Variants in ZNF461 observed in about 807,000 individuals in gnomAD.
The protein encoded by ZNF461 is zinc finger protein 461.
ZNF461 carries 16 observed loss-of-function variants against 18.3 expected under a neutral mutation model. That is an observed-to-expected ratio of 0.88 (90% CI 0.59 to 1.33). The LOEUF (loss-of-function observed/expected upper bound fraction) is 1.33, where lower values mean the gene tolerates loss of function less well. ZNF461 is among the 40% of genes most tolerant of loss of function. The pLI is 0.00. For missense variants in ZNF461, 595 were observed against 669.9 expected, an observed-to-expected ratio of 0.89 and a Z score of 1.23; for synonymous variants, 179 against 216.9, an observed-to-expected ratio of 0.83 and a Z score of 1.54.
In ZNF461 at chr19:36,658,363, G is replaced by A. The variant is rs766999075; in HGVS notation, c.72C>T (p.Asn24=). The A allele has an allele frequency of 6.2e-7, 1 of 1,611,626 alleles. No individual in the cohort carries two copies. Among genetic ancestry groups the A allele is most frequent in the South Asian group, 1.1e-5 (1 of 90,670 alleles). Residue 24 remains asparagine (N), a synonymous_variant, in exon 3 of 6, where the codon AAC becomes AAT. Transcript: ENST00000588268. ...DVSQEEWECL[N]PAQRNLYKEV... ...CCTTGTACAAATTCCTCTGCGCTGG[G>A]TTCAGGCATTCCCATTCCTCCTGAG...
In ZNF461 at chr19:36,639,531, G is replaced by A. The variant is rs201668289; in HGVS notation, c.814C>T (p.Arg272Cys). The part of the protein sequence containing the change: ...KHLRIHNGEK[R>C]YECNECGKAF... The stretch of plus-strand genomic sequence containing the variant: ...TTCCCACATTCGTTACATTCATAGC[G>A]TTTTTCACCATTATGAATTCTTAGA... Residue 272 changes from arginine to cysteine, a missense_variant, in exon 6 of 6, where the codon CGC (arginine) becomes TGC (cysteine). Physicochemically the swap from Arg to Cys is radical, Grantham distance 180. Transcript: ENST00000588268. The A allele has an allele frequency of 1.8e-4, 283 of 1,613,508 alleles. No individual in the cohort carries two copies. The highest frequency in any genetic ancestry group is 2.3e-4 in the Non-Finnish European group (271 of 1,179,714).
chr19:36,659,214 T>C (rs1199736684), intron 2 of ZNF461, among the ~76,000 whole-genome samples: 3 of 152,124 alleles, frequency 2.0e-5, no homozygotes, highest in South Asian at 2.1e-4. Context: ...TTGCAAACCA[T>C]GTGAGGGAAC....
intron 4 of ZNF461, among the ~76,000 whole-genome samples, chr19:36,647,873 A>G (rs2037556005): frequency 6.6e-6 from 1 of 151,934 alleles, no homozygotes. Context: ...GTGAGTTCTC[A>G]TGATATCTGG....
In ZNF461 at chr19:36,649,903, G is replaced by A. The variant is rs190244223; in HGVS notation, c.233-6041C>T. ...TATTTAAAAAATAATCTGGCTGGGC[G>A]TGGTGGCTCACACCTGTAATCCCAG... On this transcript the variant is annotated intron_variant, in intron 4 of 5. Transcript: ENST00000588268. Among the ~76,000 whole-genome samples the A allele has an allele frequency of 5.5e-3, 837 of 152,200 alleles. 23 individuals carry two copies. The highest frequency in any genetic ancestry group is 0.037 in the Admixed American group (567 of 15,284).
chr19:36,658,066 C>T (rs2037754254), intron 3 of ZNF461: 1 of 490,480 alleles, frequency 2.0e-6, no homozygotes, highest in Non-Finnish European at 3.6e-6. Flanking sequence ...CCTTAAACAT[C>T]AAGGAGGAGT....
Position 36,664,777 on chromosome 19 carries a change from G to T in ZNF461, c.-71C>A. ...CCCTCTGGAAGAAACTCAATCCAAA[G>T]AAGGTGTTGCTGGGAGAGAGGGGAG... On this transcript the variant is annotated 5_prime_UTR_variant, in exon 2 of 6. Coordinates refer to ENST00000588268, the MANE Select transcript of ZNF461 (RefSeq NM_153257.5). 8.0e-7 allele frequency: 1 copy of T among 1,251,636 alleles called. No individual in the cohort carries two copies. Among genetic ancestry groups the T allele is most frequent in the Non-Finnish European group, 1.1e-6 (1 of 938,836 alleles). 77.5% of individuals were successfully genotyped at this position (1,251,636 alleles called of 1,614,324 possible).
intron 4 of ZNF461, 138 bp from the exon 5 acceptor site, chr19:36,644,000 T>A: frequency 1.5e-6 from 1 of 654,400 alleles, no homozygotes; most frequent in Non-Finnish European, 2.2e-6. Context: ...TCACACAATC[T>A]CAGCTCACTG....
chr19:36,665,536 C>T (rs1440990171), intron 1 of ZNF461, among the ~76,000 whole-genome samples: 2 of 151,968 alleles, frequency 1.3e-5, no homozygotes, highest in Non-Finnish European at 2.9e-5. Context: ...TGGTGAAATC[C>T]CGTCTCTACT....
chr19:36,640,796 A>C (rs1238349686), intron 5 of ZNF461, among the ~76,000 whole-genome samples: 1 of 152,184 alleles, frequency 6.6e-6, no homozygotes, highest in Non-Finnish European at 1.5e-5. Flanking sequence ...ACATTGTATC[A>C]AAAAAAGAAA....
At chr19:36,649,975 G>C (rs1402816876) in intron 4 of ZNF461, among the ~76,000 whole-genome samples, 2 of 152,138 alleles carry the variant, frequency 1.3e-5, no homozygotes, top group African/African-American at 2.4e-5. Context: ...AGGAGTTTGA[G>C]ACCAGCCTGA....
At chr19:36,659,662 A>G (rs750319298) in intron 2 of ZNF461, among the ~76,000 whole-genome samples, 25 of 152,176 alleles carry the variant, frequency 1.6e-4, no homozygotes, top group African/African-American at 5.8e-4. Flanking sequence ...TCTAAGGTAC[A>G]TATTCCATTG....
intron 3 of ZNF461, among the ~76,000 whole-genome samples, chr19:36,656,925 C>T (rs931434517): frequency 6.6e-6 from 1 of 151,336 alleles, no homozygotes; most frequent in Non-Finnish European, 1.5e-5. Context: ...GTTCAAGTGA[C>T]TCTCCTGCCT....
intron 2 of ZNF461, among the ~76,000 whole-genome samples, chr19:36,663,810 G>T (rs1409111818): frequency 6.6e-6 from 1 of 152,064 alleles, no homozygotes; most frequent in Non-Finnish European, 1.5e-5. Context: ...AATTACTGGC[G>T]TGAGTCACCG....
chr19:36,647,002 A>C (rs1372119748), intron 4 of ZNF461, among the ~76,000 whole-genome samples: 1 of 152,196 alleles, frequency 6.6e-6, no homozygotes, highest in Non-Finnish European at 1.5e-5. Flanking sequence ...GAGAATAAAA[A>C]GTTTGAGACT....
rs2037722209 is a variant in ZNF461 at position 36,656,493 on chromosome 19, C to T, written c.187G>A (p.Glu63Lys). 6.2e-7 allele frequency: 1 copy of T among 1,614,018 alleles called. No individual in the cohort carries two copies. The highest frequency in any genetic ancestry group is 8.5e-7 in the Non-Finnish European group (1 of 1,180,048). Residue 63 changes from glutamate to lysine, a missense_variant, in exon 4 of 6, where the codon GAG becomes AAG. Physicochemically the swap from Glu to Lys is moderately conservative, Grantham distance 56. Coordinates refer to ENST00000588268, the MANE Select transcript of ZNF461 (RefSeq NM_153257.5). The stretch of plus-strand genomic sequence containing the variant: ...TCTTCCCTCACAACCATCCAGGGCT[C>T]CTTCCCTTGCTCCAATGAGGAGATT... The part of the protein sequence containing the change: ...AVISSLEQGK[E>K]PWMVVREETG...
At chr19:36,644,956 CA>C (rs2037498245) in intron 4 of ZNF461, among the ~76,000 whole-genome samples, 1 of 152,002 alleles carries the variant, frequency 6.6e-6, no homozygotes, top group Admixed American at 6.6e-5. Flanking sequence ...TGGTGGCTCA[CA>C]TCTGTAATCC....
At position 36,642,293 on chromosome 19, in the gene ZNF461, T is replaced by G. The variant is rs553876615; in HGVS notation, c.301+1501A>C. Among the ~76,000 whole-genome samples, 219 of 152,282 alleles carry G rather than the reference T, an allele frequency of 1.4e-3. 12 individuals carry two copies. In the South Asian group the frequency reaches 0.044, roughly 31 times the overall value. Reference sequence around the variant, plus strand: ...CTGAGCTCAGCCAGGCATTCCTTACTTGGCATTTCTCTAGTGACAGTCACA... The same window carrying G: ...CTGAGCTCAGCCAGGCATTCCTTACGTGGCATTTCTCTAGTGACAGTCACA... On this transcript the variant is annotated intron_variant, in intron 5 of 5. Coordinates refer to ENST00000588268, the MANE Select transcript of ZNF461 (RefSeq NM_153257.5).
chr19:36,663,867 AC>A (rs2037858679), intron 2 of ZNF461, among the ~76,000 whole-genome samples: 5 of 151,412 alleles, frequency 3.3e-5, no homozygotes, highest in African/African-American at 1.2e-4. Flanking sequence ...TGTCTTGCTC[AC>A]TCTCTCTGCA....
At position 36,639,812 on chromosome 19, in the gene ZNF461, T is replaced by A. The variant is rs1222626347; in HGVS notation, c.533A>T (p.His178Leu). Residue 178 changes from histidine to leucine, a missense_variant, in exon 6 of 6, where the codon CAT (histidine) becomes CTT (leucine). By Grantham distance (99) the His-to-Leu change is moderately conservative. Transcript: ENST00000588268. ...NHENMPIFSQ[H>L]TLLTQEFYDR... ...ATAAAATTCTTGAGTGAGTAAAGTA[T>A]GTTGGCTAAAAATGGGCATGTTTTC... 3 of 1,613,922 alleles carry A rather than the reference T, an allele frequency of 1.9e-6. No individual in the cohort carries two copies. Among genetic ancestry groups the A allele is most frequent in the Non-Finnish European group, 1.7e-6 (2 of 1,179,844 alleles).
Sources: allele counts gnomAD v4.1 joint callset (sites outside exome capture counted in the v4.1 genomes callset), GRCh38; gene constraint gnomAD v4.1.1; transcripts MANE v1.5; gene names NCBI Gene and HGNC (gene_info 2026-07-23, HGNC 2026-07-21).